The following PTGER3 variants were observed in gnomAD, a reference collection of about 807,000 sequenced individuals.
PTGER3 encodes the protein prostaglandin E receptor 3, also known as prostaglandin E2 receptor EP3 subtype.
PTGER3 carries 22 observed loss-of-function variants against 34.7 expected under a neutral mutation model. The ratio of observed to expected loss-of-function variants is 0.63; its 90% CI spans 0.45 to 0.91. The LOEUF (loss-of-function observed/expected upper bound fraction) is 0.91. Among genes scored for constraint, PTGER3 ranks in the 40% least tolerant of loss-of-function variants. The pLI is 0.00. For missense variants in PTGER3, 468 were observed against 519.4 expected (o/e 0.90, Z 0.96); for synonymous variants, 241 against 230.1 (o/e 1.05, Z -0.43).
chr1:70,929,773 G>T (rs1648513960), intron 4 of PTGER3, among the ~76,000 whole-genome samples: 2 of 152,160 alleles, frequency 1.3e-5, no homozygotes, highest in South Asian at 4.1e-4. Flanking sequence ...CTCCAGTGGA[G>T]AAAAAGTATT....
At chr1:70,887,684 T>C (rs1409977) in intron 4 of PTGER3, among the ~76,000 whole-genome samples, 98,006 of 151,836 alleles carry the variant, frequency 0.65, 32,534 homozygotes, top group East Asian at 0.87. Context: ...TTCTTGCTAT[T>C]TTCTCTGTGG....
At chr1:70,907,160 C>T (rs1464860219) in intron 4 of PTGER3, among the ~76,000 whole-genome samples, 1 of 152,162 alleles carries the variant, frequency 6.6e-6, no homozygotes, top group Non-Finnish European at 1.5e-5. Flanking sequence ...ATGGTAACAG[C>T]TTTTGCTGTT....
At chr1:70,934,512 C>T (rs1229769052) in intron 4 of PTGER3, among the ~76,000 whole-genome samples, 1 of 152,184 alleles carries the variant, frequency 6.6e-6, no homozygotes, top group Non-Finnish European at 1.5e-5. Context: ...CTCATTAACT[C>T]TGTGCTTGGG....
intron 2 of PTGER3, among the ~76,000 whole-genome samples, chr1:70,998,156 T>G (rs902191600): frequency 6.6e-6 from 1 of 152,242 alleles, no homozygotes; most frequent in Non-Finnish European, 1.5e-5. Context: ...ACCATGGTTC[T>G]TAGATGCAGT....
At chr1:71,019,354 G>C (rs1271846548) in intron 1 of PTGER3, among the ~76,000 whole-genome samples, 1 of 152,106 alleles carries the variant, frequency 6.6e-6, no homozygotes, top group Non-Finnish European at 1.5e-5. Flanking sequence ...CAAGGGAGTC[G>C]TGAGACCAAT....
rs1486950212 is a variant in PTGER3, at chr1:71,047,589, G to A, written c.-12C>T. 2 of 1,517,166 alleles carry A rather than the reference G, an allele frequency of 1.3e-6. No individual in the cohort carries two copies. Among genetic ancestry groups the A allele is most frequent in the East Asian group, 2.4e-5 (1 of 41,550 alleles). The allele number at this position is 1,517,166 out of a possible 1,614,324, so 94.0% of individuals were successfully genotyped here. A position where few individuals can be genotyped will look rare whatever the true frequency, so the allele number is the denominator to read the frequency against. On this transcript the variant is annotated 5_prime_UTR_variant, in exon 1 of 4. Coordinates refer to ENST00000306666, the MANE Select transcript of PTGER3 (RefSeq NM_198719.2). ...CGGGTCTCCTTCATGTTGGCTTCGA[G>A]GTGAGGAGGGGATGGCGTCCAGAGA...
intron 1 of PTGER3, among the ~76,000 whole-genome samples, chr1:71,040,096 G>A (rs1660174596): frequency 7.1e-6 from 1 of 141,348 alleles, no homozygotes; most frequent in Non-Finnish European, 1.5e-5. Flanking sequence ...AAGAAAGAAA[G>A]AAGGAAAGAA....
At chr1:70,859,224 G>T (rs886643026) in intron 4 of PTGER3, among the ~76,000 whole-genome samples, 3 of 152,170 alleles carry the variant, frequency 2.0e-5, no homozygotes, top group Non-Finnish European at 4.4e-5. Context: ...CTTAGAAAGA[G>T]CAAAGAATGA....
intron 1 of PTGER3, among the ~76,000 whole-genome samples, chr1:71,031,942 TA>T (rs1171397429): frequency 6.6e-6 from 1 of 152,220 alleles, no homozygotes; most frequent in African/African-American, 2.4e-5. Context: ...ATGTCTTTTA[TA>T]GAGCAAAAGC....
intron 1 of PTGER3, among the ~76,000 whole-genome samples, chr1:71,021,639 CCCA>C (rs1313148580): frequency 1.3e-5 from 2 of 151,702 alleles, no homozygotes; most frequent in Non-Finnish European, 2.9e-5. Context: ...GTTTTTTCCT[CCCA>C]AAATATAGTT....
intron 2 of PTGER3, among the ~76,000 whole-genome samples, 164 bp from the exon 3 acceptor site, chr1:70,974,552 C>T (rs899288540): frequency 3.3e-5 from 5 of 152,166 alleles, no homozygotes; most frequent in Non-Finnish European, 1.5e-5. Flanking sequence ...CTTTGACTCA[C>T]ACTTATTTCC....
chr1:70,973,035 G>GATGGAAACAAA (rs1178105723), intron 3 of PTGER3, among the ~76,000 whole-genome samples: 1 of 151,870 alleles, frequency 6.6e-6, no homozygotes, highest in Non-Finnish European at 1.5e-5. Context: ...CCAAAAAAGA[G>GATGGAAACAAA]ATGGAAACAA....
intron 4 of PTGER3, among the ~76,000 whole-genome samples, chr1:70,864,597 C>T (rs1458886309): frequency 1.3e-5 from 2 of 152,178 alleles, no homozygotes; most frequent in Non-Finnish European, 2.9e-5. Flanking sequence ...GTGTAAGACA[C>T]TGGTGCTGGG....
intron 2 of PTGER3, among the ~76,000 whole-genome samples, chr1:70,985,944 T>C (rs898931246): frequency 5.3e-5 from 8 of 152,158 alleles, no homozygotes; most frequent in South Asian, 2.1e-4. Flanking sequence ...CATTCCCAGA[T>C]GGTTAGGCAT....
chr1:70,936,267 G>A (rs976214650), intron 4 of PTGER3, among the ~76,000 whole-genome samples: 11 of 152,144 alleles, frequency 7.2e-5, no homozygotes, highest in Non-Finnish European at 1.5e-4. Context: ...GGTGATTTTA[G>A]TGCACACTAC....
chr1:70,932,076 A>T (rs893438930), intron 4 of PTGER3, among the ~76,000 whole-genome samples: 3 of 152,148 alleles, frequency 2.0e-5, no homozygotes, highest in Admixed American at 6.5e-5. Context: ...AGATACCTTT[A>T]ATCATCTCTC....
At position 70,974,287 on chromosome 1, in the gene PTGER3, T is replaced by C. The variant is rs1224618397; in HGVS notation, c.1169+10A>G. On this transcript the variant is annotated intron_variant, in intron 3 of 3. Transcript: ENST00000306666. ...CTATGCTATAAATCCCGGCAGTTTCTAAATCTCACCTTTCCAAATGGTCGC... is the reference window on the plus strand; with the variant it reads ...CTATGCTATAAATCCCGGCAGTTTCCAAATCTCACCTTTCCAAATGGTCGC... 6 of 1,612,312 alleles carry C rather than the reference T, an allele frequency of 3.7e-6. No individual in the cohort carries two copies. The Admixed American group carries it at 1.0e-4, about 27-fold the overall frequency.
At chr1:70,981,507 G>A (rs1396900433) in intron 2 of PTGER3, among the ~76,000 whole-genome samples, 2 of 151,270 alleles carry the variant, frequency 1.3e-5, no homozygotes, top group Non-Finnish European at 2.9e-5. Context: ...TGACATCCTG[G>A]GCTCAAGCCT....
intron 4 of PTGER3, among the ~76,000 whole-genome samples, chr1:70,870,658 T>A (rs1572505882): frequency 1.3e-5 from 2 of 152,324 alleles, no homozygotes; most frequent in South Asian, 2.1e-4. Context: ...ATTTGCTGCT[T>A]AGAAATGTCT....
Sources: gnomAD v4.1 joint callset for allele counts (sites outside exome capture counted in the v4.1 genomes callset) on GRCh38, gnomAD v4.1.1 for gene constraint, MANE v1.5 for transcripts, NCBI Gene and HGNC (gene_info 2026-07-23, HGNC 2026-07-21) for gene names.